GPM6A: variants seen among roughly 807,000 people sequenced by gnomAD.
The protein encoded by GPM6A is glycoprotein M6A.
GPM6A carries 7 observed loss-of-function variants against 32.1 expected under a neutral mutation model. The ratio of observed to expected loss-of-function variants is 0.22; its 90% CI spans 0.12 to 0.41. The LOEUF is 0.41. Among genes scored for constraint, GPM6A ranks in the 10% least tolerant of loss-of-function variants. The pLI is 1.00. For synonymous variants in GPM6A, 130 were observed against 123.4 expected (o/e 1.05, Z -0.35); for missense variants, 235 against 347.2 (o/e 0.68, Z 2.57).
chr4:175,925,288 A>C (rs1478130314), intron 1 of GPM6A, among the ~76,000 whole-genome samples: 1 of 152,240 alleles, frequency 6.6e-6, no homozygotes. Flanking sequence ...CCTGACTTCT[A>C]GATTAATTTT....
intron 1 of GPM6A, among the ~76,000 whole-genome samples, chr4:175,911,359 C>CGT: frequency 6.6e-6 from 1 of 152,158 alleles, no homozygotes; most frequent in Non-Finnish European, 1.5e-5. Context: ...ATGTCCTAAA[C>CGT]ATTGGCAAGA....
intron 1 of GPM6A, among the ~76,000 whole-genome samples, chr4:175,779,354 A>G (rs1733522719): frequency 6.6e-6 from 1 of 152,204 alleles, no homozygotes; most frequent in Non-Finnish European, 1.5e-5. Context: ...TGTATACTAG[A>G]CATCCTCCTC....
rs747244424 is a variant in GPM6A at position 175,701,578 on chromosome 4, G to A, written c.227C>T (p.Thr76Ile). The change falls in exon 2 of 7, where the codon ACC becomes ATC. Residue 76 changes from threonine (T) to isoleucine (I), a missense_variant. This residue lies in a region of GPM6A where 101 missense variants were observed against 171.2 expected (regional missense o/e 0.59). Transcript: ENST00000393658. Reference sequence around the variant, plus strand: ...AAGAAATACTAGAGTGACTTACATGGTAAAAACATCCAGTGTGTCTCCAGC... The same window carrying A: ...AAGAAATACTAGAGTGACTTACATGATAAAAACATCCAGTGTGTCTCCAGC... ...RTAGDTLDVFTMIDIFKYVIY... is the reference protein window; with the variant it reads ...RTAGDTLDVFIMIDIFKYVIY... 2.5e-6 allele frequency: 4 copies of A among 1,609,590 alleles called. No individual in the cohort carries two copies. The Admixed American group carries it at 5.0e-5, about 20-fold the overall frequency.
chr4:175,731,957 C>T (rs1210012336), intron 1 of GPM6A, among the ~76,000 whole-genome samples: 1 of 141,610 alleles, frequency 7.1e-6, no homozygotes, highest in African/African-American at 2.6e-5. Flanking sequence ...TCTTTCACTT[C>T]CTCACTTCAT....
At chr4:175,927,828 T>A (rs1440529839) in intron 1 of GPM6A, among the ~76,000 whole-genome samples, 2 of 152,274 alleles carry the variant, frequency 1.3e-5, no homozygotes, top group Admixed American at 1.3e-4. Context: ...GAGGTTGCAA[T>A]GAGCTGAGAT....
In GPM6A at chr4:175,651,877, T is replaced by C. The variant is rs72702639; in HGVS notation, c.498A>G (p.Thr166=). Residue 166 remains threonine (T), a synonymous_variant, in exon 4 of 7, where the codon ACA becomes ACG. Transcript: ENST00000393658. ...AGCAGAGATTTGCTCCCTCCACTAA[T>C]GTGGTGTTCCGGCAGATGGTCCACA... The part of the protein sequence containing the change: ...FNLWTICRNT[T]LVEGANLCLD... 35,937 of 1,613,354 alleles carry C rather than the reference T, an allele frequency of 0.022. 813 individuals carry two copies. Among genetic ancestry groups the C allele is most frequent in the South Asian group, 0.092 (8,411 of 91,026 alleles).
chr4:175,764,327 T>G (rs1352718661), intron 1 of GPM6A, among the ~76,000 whole-genome samples: 1 of 152,236 alleles, frequency 6.6e-6, no homozygotes, highest in Non-Finnish European at 1.5e-5. Flanking sequence ...TTTATCCATG[T>G]TGTAGCATGT....
intron 1 of GPM6A, among the ~76,000 whole-genome samples, chr4:175,773,068 C>T (rs1461494848): frequency 6.6e-6 from 1 of 152,166 alleles, no homozygotes; most frequent in Non-Finnish European, 1.5e-5. Flanking sequence ...AAACCTCATC[C>T]AATGATGTTT....
intron 1 of GPM6A, among the ~76,000 whole-genome samples, chr4:175,769,729 C>T (rs1012556696): frequency 6.6e-6 from 1 of 152,206 alleles, no homozygotes; most frequent in South Asian, 2.1e-4. Context: ...TCTTACTACC[C>T]TCACAGTAAA....
chr4:175,905,567 C>T (rs1410600837), intron 1 of GPM6A, among the ~76,000 whole-genome samples: 1 of 152,028 alleles, frequency 6.6e-6, no homozygotes, highest in African/African-American at 2.4e-5. Context: ...GGTGGGGCAC[C>T]TTCACGAAGG....
intron 1 of GPM6A, among the ~76,000 whole-genome samples, chr4:175,931,671 T>TATACACACAC (rs1373359870): frequency 2.7e-4 from 37 of 136,582 alleles, no homozygotes; most frequent in African/African-American, 9.8e-4. Flanking sequence ...TTAAAAAATA[T>TATACACACAC]ACACACACAC....
chr4:175,927,135 T>A (rs1468813700), intron 1 of GPM6A, among the ~76,000 whole-genome samples: 1 of 152,208 alleles, frequency 6.6e-6, no homozygotes, highest in Non-Finnish European at 1.5e-5. Context: ...ACTCATAGAG[T>A]GCACAAAAAG....
intron 1 of GPM6A, among the ~76,000 whole-genome samples, chr4:175,945,895 G>A (rs72704548): frequency 6.4e-5 from 9 of 141,152 alleles, no homozygotes; most frequent in Non-Finnish European, 9.4e-5. Context: ...TGCATATTAC[G>A]TACAACTAAG....
At chr4:175,677,562 T>C (rs1280942235) in intron 2 of GPM6A, among the ~76,000 whole-genome samples, 8 of 151,938 alleles carry the variant, frequency 5.3e-5, no homozygotes, top group Non-Finnish European at 1.2e-4. Context: ...ATGGGAAGAA[T>C]TTGGCCAAAA....
chr4:175,875,658 C>T (rs1436404286), intron 1 of GPM6A, among the ~76,000 whole-genome samples: 1 of 152,106 alleles, frequency 6.6e-6, no homozygotes, highest in African/African-American at 2.4e-5. Flanking sequence ...AGCATCTCAT[C>T]CCTACAAATA....
rs1360384655 is a variant in GPM6A at position 175,634,810 on chromosome 4, A to C, written c.*95T>G. 1.1e-6 allele frequency: 1 copy of C among 912,228 alleles called. No individual in the cohort carries two copies. The highest frequency in any genetic ancestry group is 1.7e-5 in the African/African-American group (1 of 60,290). The allele number at this position is 912,228 out of a possible 1,614,324, so 56.5% of individuals were successfully genotyped here. On this transcript the variant is annotated 3_prime_UTR_variant, in exon 7 of 7. Transcript: ENST00000393658. ...GTCACCTTACATATCATTGATGAGA[A>C]GCACTTTCGTTTTGTTTTTTAAAGG...
chr4:175,995,777 T>C lies in GPM6A; in HGVS notation c.-23+6532A>G, dbSNP rs536076385. ...AGATATTTATTTTGTTATTACTGTA[T>C]ATTATTTAAGCATACCTTATATATC... On this transcript the variant is annotated intron_variant, in intron 1 of 7. Coordinates refer to the GPM6A transcript ENST00000280187. Among the ~76,000 whole-genome samples the C allele has an allele frequency of 1.1e-4, 16 of 152,358 alleles. No individual in the cohort carries two copies. In the East Asian group the frequency reaches 1.9e-3, roughly 18 times the overall value.
intron 1 of GPM6A, among the ~76,000 whole-genome samples, chr4:175,712,993 A>G (rs75621280): frequency 0.043 from 6,512 of 152,280 alleles, 184 homozygotes; most frequent in Non-Finnish European, 0.064. Flanking sequence ...GCACATCAGA[A>G]TTAGTGACCG....
intron 1 of GPM6A, among the ~76,000 whole-genome samples, chr4:175,942,007 G>A (rs1342892522): frequency 6.6e-6 from 1 of 152,200 alleles, no homozygotes; most frequent in Non-Finnish European, 1.5e-5. Flanking sequence ...CAATGTAAAA[G>A]TGTTTCTATT....
Sources: gnomAD v4.1 joint callset for allele counts (sites outside exome capture counted in the v4.1 genomes callset) on GRCh38, gnomAD v4.1.1 for gene constraint, gnomAD v4.1.1 regional missense constraint, MANE v1.5 for transcripts, NCBI Gene and HGNC (gene_info 2026-07-23, HGNC 2026-07-21) for gene names.